ECSIT: variants seen among roughly 807,000 people sequenced by gnomAD.
The protein encoded by ECSIT is ECSIT signaling integrator, also known as evolutionarily conserved signaling intermediate in Toll pathway, mitochondrial.
A neutral mutation model predicts 36.8 loss-of-function variants in ECSIT; 29 were observed. That is an observed-to-expected ratio of 0.79 (90% CI 0.59 to 1.08). The LOEUF (loss-of-function observed/expected upper bound fraction) is 1.08. Ranked by LOEUF, ECSIT falls within the 50% of genes least tolerant of loss-of-function variation. The probability of loss-of-function intolerance (pLI) is 0.00; values close to 1 mark genes in which losing one functional copy is unlikely to be tolerated. For synonymous variants in ECSIT, 231 were observed against 234.8 expected (o/e 0.98, Z 0.15); for missense variants, 542 against 581.0 (o/e 0.93, Z 0.69).
chr19:11,523,954 T>C lies in ECSIT; in HGVS notation c.-23-4761A>G, dbSNP rs536000703. 2.0e-5 allele frequency: 7 copies of C among 352,208 alleles called. No individual in the cohort carries two copies. In the Admixed American group the frequency reaches 2.7e-4, roughly 13 times the overall value. 21.8% of individuals were successfully genotyped at this position (352,208 alleles called of 1,614,324 possible). ...TTTTTGTTTTGAGACAGGATCTCACTCTGTTGCCCAGGCTGGAGTACAGTG... is the reference window on the plus strand; with the variant it reads ...TTTTTGTTTTGAGACAGGATCTCACCCTGTTGCCCAGGCTGGAGTACAGTG... On this transcript the variant is annotated intron_variant, in intron 1 of 7. Coordinates refer to ENST00000270517, the MANE Select transcript of ECSIT (RefSeq NM_016581.5).
intron 1 of ECSIT, chr19:11,522,489 C>T: frequency 2.5e-6 from 3 of 1,209,224 alleles, no homozygotes; most frequent in South Asian, 2.5e-5. Context: ...GGCCCAACAC[C>T]TTCTTCTAGG....
At chr19:11,525,430 A>G (rs1453336038) in intron 1 of ECSIT, among the ~76,000 whole-genome samples, 1 of 151,630 alleles carries the variant, frequency 6.6e-6, no homozygotes, top group East Asian at 2.0e-4. Context: ...GGAGGATCAC[A>G]TGAGCCTGGG....
intron 4 of ECSIT, among the ~76,000 whole-genome samples, chr19:11,511,687 G>A (rs1971873186): frequency 6.6e-6 from 1 of 152,114 alleles, no homozygotes; most frequent in African/African-American, 2.4e-5. Flanking sequence ...TTTGAGAGGA[G>A]AGGCACTTAG....
intron 2 of ECSIT, among the ~76,000 whole-genome samples, chr19:11,518,626 G>A (rs1042333181): frequency 2.8e-4 from 42 of 151,978 alleles, no homozygotes; most frequent in Middle Eastern, 3.4e-3. Context: ...GGCCAGGCGC[G>A]GTGGCTCACG....
intron 1 of ECSIT, chr19:11,522,358 G>C (rs1262610104): frequency 1.3e-6 from 1 of 794,284 alleles, no homozygotes; most frequent in Non-Finnish European, 2.2e-6. Context: ...GAAGATGGAG[G>C]AGATAGCAGC....
intron 4 of ECSIT, among the ~76,000 whole-genome samples, 165 bp from the exon 5 acceptor site, chr19:11,508,213 T>G (rs753222748): frequency 2.6e-5 from 4 of 152,006 alleles, no homozygotes; most frequent in Non-Finnish European, 5.9e-5. Flanking sequence ...CATTTGGCAA[T>G]AACCACCAAT....
At position 11,519,145 on chromosome 19, in the gene ECSIT, A is replaced by C. The variant is rs1426076289; in HGVS notation, c.26T>G (p.Leu9Arg). 1 of 1,550,444 alleles carries C rather than the reference A, an allele frequency of 6.4e-7. No homozygotes were observed. Among genetic ancestry groups the C allele is most frequent in the Non-Finnish European group, 8.7e-7 (1 of 1,146,958 alleles). MSWVQATLLARGLCRAWGG... is the reference protein window; with the variant it reads MSWVQATLRARGLCRAWGG... ...CCAGGCCCTACAGAGGCCTCGGGCC[A>C]GTAGGGTGGCCTGGACCCAGCTCAT... The change falls in exon 2 of 8, where the codon CTG becomes CGG. Residue 9 changes from leucine to arginine, a missense_variant. Transcript: ENST00000270517. The surrounding 1 kb of genome is among the most constrained non-coding windows in gnomAD (Gnocchi z 4.4).
At chr19:11,512,199 G>T (rs562328263) in intron 4 of ECSIT, among the ~76,000 whole-genome samples, 3 of 151,846 alleles carry the variant, frequency 2.0e-5, no homozygotes, top group African/African-American at 7.3e-5. Flanking sequence ...ACAAAAATTA[G>T]CCGGGCGTGG....
intron 2 of ECSIT, among the ~76,000 whole-genome samples, chr19:11,518,624 G>A (rs915137860): frequency 3.3e-5 from 5 of 151,806 alleles, no homozygotes; most frequent in East Asian, 1.9e-4. Flanking sequence ...TTGGCCAGGC[G>A]CGGTGGCTCA....
At chr19:11,508,105 G>A in intron 4 of ECSIT, 57 bp from the exon 5 acceptor site, 3 of 1,600,800 alleles carry the variant, frequency 1.9e-6, no homozygotes, top group Non-Finnish European at 2.6e-6. Flanking sequence ...CAGAGGAACT[G>A]GGGACAGAGA....
At chr19:11,508,448 T>C (rs1971804555) in intron 4 of ECSIT, among the ~76,000 whole-genome samples, 1 of 149,930 alleles carries the variant, frequency 6.7e-6, no homozygotes, top group Non-Finnish European at 1.5e-5. Flanking sequence ...AATGGTGGCA[T>C]GATCATAGCT....
intron 2 of ECSIT, among the ~76,000 whole-genome samples, chr19:11,515,356 G>A (rs1205748574): frequency 2.0e-5 from 3 of 152,056 alleles, no homozygotes; most frequent in South Asian, 4.1e-4. Flanking sequence ...GCCCGCCTTG[G>A]CCTCCCAAGT....
intron 1 of ECSIT, among the ~76,000 whole-genome samples, chr19:11,520,509 T>C (rs1305143323): frequency 1.3e-5 from 2 of 151,056 alleles, no homozygotes; most frequent in African/African-American, 4.9e-5. Context: ...TAGATTTTTT[T>C]TTAATTTTTA....
At chr19:11,523,401 T>C in intron 1 of ECSIT, 1 of 529,714 alleles carries the variant, frequency 1.9e-6, no homozygotes, top group East Asian at 2.9e-5. Context: ...GGCTTGGGTA[T>C]GTTCAAGATT....
intron 7 of ECSIT, among the ~76,000 whole-genome samples, 175 bp downstream of exon 7, chr19:11,507,282 C>CTTTT (rs60161140): frequency 1.5e-5 from 2 of 133,506 alleles, no homozygotes; most frequent in African/African-American, 2.9e-5. Context: ...AGGTTTTTGC[C>CTTTT]TTTTTTTTTT....
At chr19:11,525,828 T>C (rs1169853002) in intron 1 of ECSIT, 2 of 151,046 alleles carry the variant, frequency 1.3e-5, no homozygotes, top group Admixed American at 6.6e-5. Context: ...GGCAGGAGAA[T>C]TGCTTGAACC....
In ECSIT at chr19:11,519,256, C is replaced by G; in HGVS notation, c.-23-63G>C. On this transcript the variant is annotated intron_variant, in intron 1 of 7. Coordinates refer to ENST00000270517, the MANE Select transcript of ECSIT (RefSeq NM_016581.5). This position sits in a 1 kb window ranked among gnomAD's most constrained non-coding sequence, Gnocchi z 4.4. ...TACAGATGCTAACAGACGCAAGGGC[C>G]CCGCAGGGTCGAGGGCACACTCCAG... 1 of 1,143,926 alleles carries G rather than the reference C, an allele frequency of 8.7e-7. No individual in the cohort carries two copies. Among genetic ancestry groups the G allele is most frequent in the Non-Finnish European group, 1.3e-6 (1 of 788,106 alleles). The allele number at this position is 1,143,926 out of a possible 1,614,324, so 70.9% of individuals were successfully genotyped here.
At chr19:11,513,333 G>T (rs1971912746) in intron 3 of ECSIT, 54 bp from the exon 4 acceptor site, 2 of 1,439,016 alleles carry the variant, frequency 1.4e-6, no homozygotes, top group Admixed American at 1.7e-5. Flanking sequence ...AGGAGGGAAG[G>T]GAAGAGGAGA....
Position 11,519,123 on chromosome 19 carries a change from G to A in ECSIT, c.48C>T (p.Ala16=), listed in dbSNP as rs994315731. The A allele has an allele frequency of 1.1e-5, 17 of 1,550,874 alleles. No homozygotes were observed. In the African/African-American group the frequency reaches 1.9e-4, roughly 17 times the overall value. ...ATLLARGLCR[A]WGGTCGAALT... Reference sequence around the variant, plus strand: ...GGGCGGCCCCGCAGGTGCCTCCCCAGGCCCTACAGAGGCCTCGGGCCAGTA... The same window carrying A: ...GGGCGGCCCCGCAGGTGCCTCCCCAAGCCCTACAGAGGCCTCGGGCCAGTA... Residue 16 remains alanine, a synonymous_variant, in exon 2 of 8, where the codon GCC becomes GCT. Coordinates refer to ENST00000270517, the MANE Select transcript of ECSIT (RefSeq NM_016581.5). The surrounding 1 kb of genome is among the most constrained non-coding windows in gnomAD (Gnocchi z 4.4).
Sources: gnomAD v4.1 joint callset for allele counts (sites outside exome capture counted in the v4.1 genomes callset) on GRCh38, gnomAD v4.1.1 for gene constraint, Gnocchi (gnomAD v3.1) non-coding constraint, MANE v1.5 for transcripts, NCBI Gene and HGNC (gene_info 2026-07-23, HGNC 2026-07-21) for gene names.